KIF13B: variants seen among roughly 807,000 people sequenced by gnomAD.
The protein encoded by KIF13B is kinesin-like protein KIF13B.
A neutral mutation model predicts 222.0 loss-of-function variants in KIF13B; 127 were observed. The observed-to-expected ratio is 0.57, with a 90% CI of 0.50 to 0.66. The LOEUF is 0.66. KIF13B is among the 30% of genes least tolerant of loss of function. The probability of loss-of-function intolerance (pLI) is 0.00; values close to 1 mark genes in which losing one functional copy is unlikely to be tolerated. For synonymous variants in KIF13B, 976 were observed against 919.0 expected, an observed-to-expected ratio of 1.06 and a Z score of -1.12; for missense variants, 2,173 against 2,379.0, an observed-to-expected ratio of 0.91 and a Z score of 1.80.
intron 2 of KIF13B, among the ~76,000 whole-genome samples, chr8:29,223,842 C>A (rs551481706): frequency 6.6e-6 from 1 of 152,242 alleles, no homozygotes; most frequent in Non-Finnish European, 1.5e-5. Flanking sequence ...CAGGCACCTG[C>A]CACCACGCCT....
chr8:29,158,739 C>T (rs1045081512), intron 13 of KIF13B, among the ~76,000 whole-genome samples: 2 of 152,120 alleles, frequency 1.3e-5, no homozygotes, highest in Non-Finnish European at 2.9e-5. Flanking sequence ...TTAGCTTGGG[C>T]GATCAAGAAA....
At chr8:29,220,527 T>C (rs549601916) in intron 2 of KIF13B, among the ~76,000 whole-genome samples, 2 of 150,560 alleles carry the variant, frequency 1.3e-5, no homozygotes, top group Non-Finnish European at 2.9e-5. Flanking sequence ...TCTGAATGTT[T>C]CTAAGTAAAT....
intron 37 of KIF13B, among the ~76,000 whole-genome samples, chr8:29,090,094 C>A (rs996658517): frequency 1.6e-4 from 24 of 152,130 alleles, no homozygotes; most frequent in Non-Finnish European, 1.5e-5. Context: ...ACTGAAGGCG[C>A]TTCACATGCT....
intron 6 of KIF13B, among the ~76,000 whole-genome samples, chr8:29,183,943 G>C (rs1812822539): frequency 6.6e-6 from 1 of 152,100 alleles, no homozygotes; most frequent in Non-Finnish European, 1.5e-5. Flanking sequence ...GATAGTTCTA[G>C]AATAACCCTT....
Position 29,262,981 on chromosome 8 carries a change from T to A in KIF13B, c.54A>T (p.Arg18=). ...VAVRIRPMNR[R]ETDLHTKCVV... is the part of the protein sequence containing the mutation. ...GGCCCAGGAGGGCTCGGCTCTCACC[T>A]CGCCGGTTCATGGGTCGTATCCGCA... is the stretch of plus-strand genomic sequence containing the variant. Residue 18 remains arginine, a splice_region_variant and synonymous_variant, in exon 1 of 40, where the codon CGA becomes CGT. Transcript: ENST00000524189. 6.3e-7 allele frequency: 1 copy of A among 1,587,172 alleles called. No homozygotes were observed. Among genetic ancestry groups the A allele is most frequent in the South Asian group, 1.1e-5 (1 of 87,348 alleles).
intron 3 of KIF13B, among the ~76,000 whole-genome samples, chr8:29,191,423 T>A (rs931791861): frequency 1.3e-5 from 2 of 152,348 alleles, no homozygotes; most frequent in South Asian, 2.1e-4. Flanking sequence ...AGATATTTTT[T>A]AAATAACATT....
intron 2 of KIF13B, among the ~76,000 whole-genome samples, chr8:29,222,921 T>A (rs1814824075): frequency 6.6e-6 from 1 of 152,134 alleles, no homozygotes; most frequent in Non-Finnish European, 1.5e-5. Flanking sequence ...GCTGCAGATT[T>A]AGCTGATTCA....
intron 2 of KIF13B, among the ~76,000 whole-genome samples, chr8:29,238,404 C>T (rs1815609078): frequency 6.6e-6 from 1 of 152,178 alleles, no homozygotes; most frequent in African/African-American, 2.4e-5. Context: ...TACACTGAAG[C>T]TCCAAAGAAG....
chr8:29,193,784 C>T (rs1175240887), intron 3 of KIF13B, among the ~76,000 whole-genome samples: 1 of 152,200 alleles, frequency 6.6e-6, no homozygotes, highest in Non-Finnish European at 1.5e-5. Context: ...AAAGTAGATG[C>T]TATGTAAATA....
chr8:29,197,359 A>AAAAAAT (rs750396323), intron 2 of KIF13B, among the ~76,000 whole-genome samples: 30 of 148,290 alleles, frequency 2.0e-4, no homozygotes, highest in African/African-American at 7.5e-4. Context: ...AAAAAAAAAA[A>AAAAAAT]AACTCAATAT....
In KIF13B at chr8:29,110,048, C is replaced by G; in HGVS notation, c.3953G>C (p.Arg1318Pro). 1 of 1,565,858 alleles carries G rather than the reference C, an allele frequency of 6.4e-7. No individual in the cohort carries two copies. The highest frequency in any genetic ancestry group is 8.7e-7 in the Non-Finnish European group (1 of 1,154,760). ...IPEDAQGVEE[R>P]EALARMAANV... ...GGCTGCCATTCTTGCTAATGCTTCC[C>G]GTTCTTCCACTCCCTGGGCATCCTG... Residue 1318 changes from arginine (R) to proline (P), a missense_variant, in exon 33 of 40, where the codon CGG becomes CCG. Coordinates refer to ENST00000524189, the MANE Select transcript of KIF13B (RefSeq NM_015254.4).
At chr8:29,263,269 C>G (rs1816758637), upstream of KIF13B, 6 of 534,494 alleles carry the variant, frequency 1.1e-5, no homozygotes, top group Non-Finnish European at 1.9e-5. Flanking sequence ...GGGCGCGAGT[C>G]GTTTGCTACA....
At chr8:29,146,317 G>GAAAT in intron 18 of KIF13B, 61 bp downstream of exon 18, 1 of 1,548,414 alleles carries the variant, frequency 6.5e-7, no homozygotes, top group Non-Finnish European at 8.9e-7. Context: ...ATAACACCAG[G>GAAAT]AAATATCAGG....
At chr8:29,157,705 A>C (rs1353245077) in intron 13 of KIF13B, among the ~76,000 whole-genome samples, 2 of 151,790 alleles carry the variant, frequency 1.3e-5, no homozygotes, top group African/African-American at 4.8e-5. Flanking sequence ...ACTCCGTCTC[A>C]ATAAATAAAT....
intron 37 of KIF13B, among the ~76,000 whole-genome samples, chr8:29,084,187 A>G (rs1440642240): frequency 6.6e-6 from 1 of 152,178 alleles, no homozygotes; most frequent in African/African-American, 2.4e-5. Flanking sequence ...AAGTGCTGGG[A>G]TTACAAGCGT....
chr8:29,114,925 G>C (rs923315272), intron 31 of KIF13B, among the ~76,000 whole-genome samples: 1 of 152,206 alleles, frequency 6.6e-6, no homozygotes, highest in Non-Finnish European at 1.5e-5. Context: ...CATGAGCAGT[G>C]TGTCTTTTTC....
intron 6 of KIF13B, among the ~76,000 whole-genome samples, chr8:29,185,346 C>T (rs890255558): frequency 6.6e-6 from 1 of 152,176 alleles, no homozygotes. Flanking sequence ...TTTGTAGGAG[C>T]CTCCTTCACA....
In KIF13B at chr8:29,147,374, C is replaced by T; in HGVS notation, c.2024+18G>A. On this transcript the variant is annotated intron_variant, in intron 17 of 39. Coordinates refer to ENST00000524189, the MANE Select transcript of KIF13B (RefSeq NM_015254.4). The stretch of plus-strand genomic sequence containing the variant: ...AAGCCTGAGCTATAAAGTTAACAGG[C>T]CCCTCTGTGCCGCCTACCTCTCCTC... 6.3e-7 allele frequency: 1 copy of T among 1,576,242 alleles called. No homozygotes were observed. The highest frequency in any genetic ancestry group is 8.6e-7 in the Non-Finnish European group (1 of 1,160,464).
chr8:29,222,916 A>G (rs1814823916), intron 2 of KIF13B, among the ~76,000 whole-genome samples: 1 of 152,136 alleles, frequency 6.6e-6, no homozygotes, highest in South Asian at 2.1e-4. Context: ...TTAGAGCTGC[A>G]GATTTAGCTG....
Sources: gnomAD v4.1 joint callset for allele counts (sites outside exome capture counted in the v4.1 genomes callset) on GRCh38, gnomAD v4.1.1 for gene constraint, MANE v1.5 for transcripts, NCBI Gene and HGNC (gene_info 2026-07-23, HGNC 2026-07-21) for gene names.